ADAMTSL3: variants seen among roughly 807,000 people sequenced by gnomAD.
ADAMTSL3 encodes the protein ADAMTS-like protein 3.
Under a neutral mutation model 201.7 loss-of-function variants are expected in ADAMTSL3, and 128 were observed. The observed-to-expected ratio is 0.63, with a 90% CI of 0.55 to 0.73. ADAMTSL3 has a LOEUF of 0.73. Ranked by LOEUF, ADAMTSL3 falls within the 30% of genes least tolerant of loss-of-function variation. ADAMTSL3 has a pLI of 0.00. For missense variants in ADAMTSL3, 1,990 were observed against 2,119.6 expected (o/e 0.94, Z 1.20); for synonymous variants, 738 against 748.4 (o/e 0.99, Z 0.23).
chr15:83,752,287 A>G (rs955968048), intron 3 of ADAMTSL3, among the ~76,000 whole-genome samples: 5 of 151,996 alleles, frequency 3.3e-5, no homozygotes, highest in African/African-American at 1.2e-4. Flanking sequence ...TTTACTTTTG[A>G]TACTTTGCTG....
intron 23 of ADAMTSL3, among the ~76,000 whole-genome samples, chr15:83,998,206 C>G (rs561196841): frequency 2.6e-5 from 4 of 152,308 alleles, no homozygotes; most frequent in African/African-American, 2.4e-5. Flanking sequence ...AATCCCAGCA[C>G]TTTGGGAAGC....
At chr15:83,890,908 G>A (rs897393923) in intron 11 of ADAMTSL3, 5 of 157,818 alleles carry the variant, frequency 3.2e-5, no homozygotes, top group African/African-American at 9.6e-5. Flanking sequence ...TTTCCTGTAA[G>A]CCTGGTTGAA....
chr15:83,986,384 GT>G (rs2067475635), intron 21 of ADAMTSL3, among the ~76,000 whole-genome samples: 1 of 152,142 alleles, frequency 6.6e-6, no homozygotes, highest in African/African-American at 2.4e-5. Context: ...GTTAACATAA[GT>G]TTATCAGGCT....
At chr15:83,673,682 CT>C (rs2061356997) in intron 2 of ADAMTSL3, among the ~76,000 whole-genome samples, 1 of 152,174 alleles carries the variant, frequency 6.6e-6, no homozygotes, top group Non-Finnish European at 1.5e-5. Flanking sequence ...ACATAGGCAT[CT>C]TTTTTAAGCT....
rs180750073 is a variant in ADAMTSL3 at position 83,688,055 on chromosome 15, G to A, written c.70-16334G>A. 2.1e-3 allele frequency among the ~76,000 whole-genome samples: 322 copies of A among 152,278 alleles called. 1 individual carries two copies. The highest frequency in any genetic ancestry group is 3.9e-3 in the Non-Finnish European group (262 of 68,026). ...GGAGAACAGTTTTAGAAGCCTTAAC[G>A]TTCAAACAATAGAAGCAGCAGGAGG... On this transcript the variant is annotated intron_variant, in intron 2 of 29. Coordinates refer to ENST00000286744, the MANE Select transcript of ADAMTSL3 (RefSeq NM_207517.3).
At chr15:83,774,109 T>A (rs1469360280) in intron 4 of ADAMTSL3, among the ~76,000 whole-genome samples, 1 of 152,246 alleles carries the variant, frequency 6.6e-6, no homozygotes, top group African/African-American at 2.4e-5. Flanking sequence ...AATCAGCTTA[T>A]TTTTAAAAAT....
intron 4 of ADAMTSL3, among the ~76,000 whole-genome samples, chr15:83,788,996 A>C (rs2063305294): frequency 6.6e-6 from 1 of 151,982 alleles, no homozygotes; most frequent in African/African-American, 2.4e-5. Context: ...TTTTTAGTAG[A>C]GATGGGGTTT....
At chr15:83,831,350 A>T (rs932596130) in intron 6 of ADAMTSL3, among the ~76,000 whole-genome samples, 1 of 152,158 alleles carries the variant, frequency 6.6e-6, no homozygotes, top group Non-Finnish European at 1.5e-5. Context: ...ATGAGTAGGG[A>T]TGATGAGCAT....
At chr15:83,810,380 A>C (rs563087602) in intron 5 of ADAMTSL3, among the ~76,000 whole-genome samples, 1 of 152,378 alleles carries the variant, frequency 6.6e-6, no homozygotes, top group South Asian at 2.1e-4. Flanking sequence ...TGTCAGTGCC[A>C]ACGTAGTCTA....
chr15:83,659,102 C>G (rs578004611), intron 2 of ADAMTSL3, among the ~76,000 whole-genome samples: 1 of 152,170 alleles, frequency 6.6e-6, no homozygotes, highest in African/African-American at 2.4e-5. Flanking sequence ...GATTCTCTGG[C>G]AAATTCTGTC....
intron 17 of ADAMTSL3, among the ~76,000 whole-genome samples, chr15:83,929,507 G>A (rs2066310748): frequency 6.6e-6 from 1 of 152,096 alleles, no homozygotes; most frequent in African/African-American, 2.4e-5. Context: ...CTACTCTAAT[G>A]ACCTCCTCTT....
In ADAMTSL3 at chr15:83,940,209, C is replaced by T. The variant is rs117431303; in HGVS notation, c.2118-2387C>T. On this transcript the variant is annotated intron_variant, in intron 17 of 29. Coordinates refer to ENST00000286744, the MANE Select transcript of ADAMTSL3 (RefSeq NM_207517.3). Reference sequence around the variant, plus strand: ...CTTGTGATTTCTTCTTTGGCCCATGCGCAATTTAGAAGATTACAGCGTACT... The same window carrying T: ...CTTGTGATTTCTTCTTTGGCCCATGTGCAATTTAGAAGATTACAGCGTACT... Among the ~76,000 whole-genome samples the T allele has an allele frequency of 5.1e-3, 778 of 152,260 alleles. 2 individuals carry two copies. The highest frequency in any genetic ancestry group is 8.3e-3 in the Non-Finnish European group (563 of 68,014).
intron 15 of ADAMTSL3, 152 bp downstream of exon 15, chr15:83,899,883 T>C: frequency 9.1e-7 from 1 of 1,097,088 alleles, no homozygotes; most frequent in Non-Finnish European, 1.2e-6. Context: ...CTAGAATTTT[T>C]CTTTGTTTCA....
At chr15:83,963,793 G>A (rs1412347157) in intron 19 of ADAMTSL3, among the ~76,000 whole-genome samples, 1 of 152,194 alleles carries the variant, frequency 6.6e-6, no homozygotes, top group African/African-American at 2.4e-5. Flanking sequence ...CCTCTGGGAT[G>A]AAGCTTCCAG....
intron 9 of ADAMTSL3, among the ~76,000 whole-genome samples, chr15:83,879,787 CT>C (rs1353302138): frequency 6.6e-5 from 10 of 152,210 alleles, no homozygotes; most frequent in Non-Finnish European, 1.2e-4. Flanking sequence ...TGATTTTTGT[CT>C]GCTTATTCTA....
intron 17 of ADAMTSL3, among the ~76,000 whole-genome samples, chr15:83,928,341 C>T (rs2066287356): frequency 6.6e-6 from 1 of 152,052 alleles, no homozygotes; most frequent in African/African-American, 2.4e-5. Context: ...TAGCCATTAA[C>T]AAAGAAGAGT....
chr15:83,805,542 G>T (rs1184421740), intron 5 of ADAMTSL3, among the ~76,000 whole-genome samples: 1 of 150,760 alleles, frequency 6.6e-6, no homozygotes, highest in Non-Finnish European at 1.5e-5. Context: ...GGGCAACAGA[G>T]TGAGACTCTG....
intron 22 of ADAMTSL3, among the ~76,000 whole-genome samples, chr15:83,989,296 GGC>G (rs1188423115): frequency 6.6e-6 from 1 of 152,178 alleles, no homozygotes; most frequent in Non-Finnish European, 1.5e-5. Flanking sequence ...TAGAAGTTCT[GGC>G]TTAGTAGGTT....
chr15:83,956,249 G>A (rs1348277826), intron 19 of ADAMTSL3, among the ~76,000 whole-genome samples: 2 of 152,150 alleles, frequency 1.3e-5, no homozygotes, highest in East Asian at 1.9e-4. Flanking sequence ...TCCCTGAAGT[G>A]CACAGATTCT....
Sources: allele counts gnomAD v4.1 joint callset (sites outside exome capture counted in the v4.1 genomes callset), GRCh38; gene constraint gnomAD v4.1.1; transcripts MANE v1.5; gene names NCBI Gene and HGNC (gene_info 2026-07-23, HGNC 2026-07-21).